CNBD1: variants seen among roughly 807,000 people sequenced by gnomAD.
The protein encoded by CNBD1 is cyclic nucleotide-binding domain-containing protein 1.
In CNBD1, 71 loss-of-function variants were observed where a neutral mutation model predicts 54.4. The ratio of observed to expected loss-of-function variants is 1.30; its 90% CI spans 1.08 to 1.59. The LOEUF is 1.59. Among genes scored for constraint, CNBD1 ranks in the 40% most tolerant of loss-of-function variants. CNBD1 has a pLI of 0.00. For synonymous variants in CNBD1, 182 were observed against 170.7 expected, an observed-to-expected ratio of 1.07 and a Z score of -0.51; for missense variants, 659 against 518.0, an observed-to-expected ratio of 1.27 and a Z score of -2.64.
intron 2 of CNBD1, among the ~76,000 whole-genome samples, chr8:87,394,596 T>A (rs969037069): frequency 7.2e-5 from 11 of 151,944 alleles, no homozygotes; most frequent in Non-Finnish European, 1.0e-4. Flanking sequence ...GTCAATGCCA[T>A]GGTGATAAAC....
chr8:87,276,105 A>G (rs1417293066), intron 6 of CNBD1, among the ~76,000 whole-genome samples: 1 of 151,938 alleles, frequency 6.6e-6, no homozygotes, highest in African/African-American at 2.4e-5. Context: ...CATTACTCTC[A>G]TTACTATCTA....
chr8:87,334,724 C>CTTTTTTTTTTTCTTTTT (rs1809907548), intron 8 of CNBD1, among the ~76,000 whole-genome samples: 3 of 113,246 alleles, frequency 2.6e-5, no homozygotes, highest in South Asian at 2.7e-4. Context: ...TTTTTCTTTT[C>CTTTTTTTTTTTCTTTTT]TTTTTTTTTT....
chr8:87,174,105 C>T (rs1424886801), intron 4 of CNBD1, among the ~76,000 whole-genome samples: 1 of 151,970 alleles, frequency 6.6e-6, no homozygotes, highest in Admixed American at 6.6e-5. Flanking sequence ...ACTATAGGCG[C>T]ACACCACCAG....
At chr8:87,333,982 T>C (rs1427314271) in intron 8 of CNBD1, among the ~76,000 whole-genome samples, 2 of 152,338 alleles carry the variant, frequency 1.3e-5, no homozygotes, top group African/African-American at 4.8e-5. Flanking sequence ...AATTCGGCTG[T>C]TAATCCATCT....
At chr8:87,407,410 G>T (rs1236599981) in intron 2 of CNBD1, among the ~76,000 whole-genome samples, 9 of 151,834 alleles carry the variant, frequency 5.9e-5, no homozygotes. Context: ...GATGGATATT[G>T]GTGGTGTTCT....
chr8:87,278,501 A>G (rs1010120328), intron 6 of CNBD1, among the ~76,000 whole-genome samples: 3 of 151,662 alleles, frequency 2.0e-5, no homozygotes, highest in African/African-American at 4.8e-5. Flanking sequence ...GAACAATAAC[A>G]TATATTTTTA....
intron 8 of CNBD1, among the ~76,000 whole-genome samples, chr8:87,293,812 A>G (rs1808827292): frequency 6.6e-6 from 1 of 152,194 alleles, no homozygotes; most frequent in African/African-American, 2.4e-5. Context: ...ATATGGTTTA[A>G]CCCAAAGTAG....
At chr8:87,068,230 A>T (rs1810693087) in intron 4 of CNBD1, among the ~76,000 whole-genome samples, 1 of 152,102 alleles carries the variant, frequency 6.6e-6, no homozygotes, top group South Asian at 2.1e-4. Flanking sequence ...CAAAGTGTTT[A>T]GTTAATTTAC....
At chr8:87,321,460 C>G (rs1468787443) in intron 8 of CNBD1, among the ~76,000 whole-genome samples, 1 of 152,148 alleles carries the variant, frequency 6.6e-6, no homozygotes, top group Non-Finnish European at 1.5e-5. Context: ...TACTGAACAT[C>G]TTTTCTTATA....
intron 5 of CNBD1, among the ~76,000 whole-genome samples, chr8:87,209,392 C>T (rs1814045836): frequency 6.6e-6 from 1 of 151,532 alleles, no homozygotes; most frequent in Non-Finnish European, 1.5e-5. Flanking sequence ...ATAAAATATT[C>T]AAAAAGGAAA....
chr8:87,335,126 A>G (rs1469362218), intron 8 of CNBD1, among the ~76,000 whole-genome samples: 1 of 152,120 alleles, frequency 6.6e-6, no homozygotes, highest in African/African-American at 2.4e-5. Flanking sequence ...ACTTCCAATT[A>G]TGTGGTCGAT....
At chr8:87,016,237 TAA>T (rs1809353669) in intron 4 of CNBD1, among the ~76,000 whole-genome samples, 1 of 151,828 alleles carries the variant, frequency 6.6e-6, no homozygotes, top group Non-Finnish European at 1.5e-5. Flanking sequence ...TTAAAATTCT[TAA>T]AGTCATGTTT....
At chr8:87,193,341 A>G (rs1813651235) in intron 4 of CNBD1, among the ~76,000 whole-genome samples, 1 of 152,178 alleles carries the variant, frequency 6.6e-6, no homozygotes. Flanking sequence ...GACTTGCTTT[A>G]TTGATTTAGT....
intron 4 of CNBD1, among the ~76,000 whole-genome samples, chr8:87,131,431 A>G (rs1281501334): frequency 2.0e-5 from 3 of 152,052 alleles, no homozygotes; most frequent in African/African-American, 7.2e-5. Flanking sequence ...AAACCTTGCA[A>G]TCATATAGGT....
At chr8:87,097,321 A>G (rs756638256) in intron 4 of CNBD1, among the ~76,000 whole-genome samples, 1 of 152,194 alleles carries the variant, frequency 6.6e-6, no homozygotes, top group Non-Finnish European at 1.5e-5. Flanking sequence ...ACAATTTACA[A>G]AAGAAGAAAC....
intron 6 of CNBD1, among the ~76,000 whole-genome samples, chr8:87,243,396 T>C (rs1180977890): frequency 6.6e-6 from 1 of 152,222 alleles, no homozygotes; most frequent in East Asian, 1.9e-4. Context: ...AAAGGCAAAG[T>C]CATGTTTGAT....
chr8:87,186,224 G>GT (rs1813472975), intron 4 of CNBD1, among the ~76,000 whole-genome samples: 1 of 151,908 alleles, frequency 6.6e-6, no homozygotes, highest in South Asian at 2.1e-4. Flanking sequence ...CTTACTTGGC[G>GT]TATCTCATTT....
chr8:87,125,597 T>A (rs567153153), intron 4 of CNBD1, among the ~76,000 whole-genome samples: 3 of 152,042 alleles, frequency 2.0e-5, no homozygotes, highest in East Asian at 3.9e-4. Context: ...TCTTATTTTT[T>A]AAATTACTGA....
chr8:86,967,634 A>T (rs929639434), intron 4 of CNBD1, among the ~76,000 whole-genome samples: 1 of 152,132 alleles, frequency 6.6e-6, no homozygotes, highest in African/African-American at 2.4e-5. Context: ...ACATTTTTTA[A>T]ATTCTTTCTC....
Sources: gnomAD v4.1 joint callset for allele counts (sites outside exome capture counted in the v4.1 genomes callset) on GRCh38, gnomAD v4.1.1 for gene constraint, MANE v1.5 for transcripts, NCBI Gene and HGNC (gene_info 2026-07-23, HGNC 2026-07-21) for gene names.